The following SPIDR variants were observed in gnomAD, a reference collection of about 807,000 sequenced individuals.
SPIDR encodes scaffold protein involved in DNA repair, also known as DNA repair-scaffolding protein.
SPIDR carries 93 observed loss-of-function variants against 104.6 expected under a neutral mutation model. That is an observed-to-expected ratio of 0.89 (90% CI 0.75 to 1.06). The LOEUF is 1.06. Ranked by LOEUF, SPIDR falls within the 50% of genes least tolerant of loss-of-function variation. SPIDR has a pLI of 0.00. For synonymous variants in SPIDR, 431 were observed against 416.9 expected, an observed-to-expected ratio of 1.03 and a Z score of -0.41; for missense variants, 1,154 against 1,111.2, an observed-to-expected ratio of 1.04 and a Z score of -0.55.
At chr8:47,488,211 A>C (rs1423766416) in intron 8 of SPIDR, among the ~76,000 whole-genome samples, 3 of 152,226 alleles carry the variant, frequency 2.0e-5, no homozygotes, top group Non-Finnish European at 4.4e-5. Flanking sequence ...CCATCAGAGA[A>C]TACTATAAAC....
chr8:47,487,305 C>G (rs1554732191), intron 8 of SPIDR, among the ~76,000 whole-genome samples: 1 of 152,198 alleles, frequency 6.6e-6, no homozygotes, highest in Non-Finnish European at 1.5e-5. Flanking sequence ...GAAGAGCTAA[C>G]TAACCTAAAT....
intron 8 of SPIDR, among the ~76,000 whole-genome samples, chr8:47,455,477 G>A (rs1432456464): frequency 2.6e-5 from 4 of 151,646 alleles, no homozygotes; most frequent in Admixed American, 2.6e-4. Context: ...AAGTATGTAA[G>A]GCATAAGAAA....
intron 19 of SPIDR, 64 bp from the exon 20 acceptor site, chr8:47,735,243 G>GTGT: frequency 6.5e-7 from 1 of 1,528,726 alleles, no homozygotes; most frequent in Non-Finnish European, 9.0e-7. Flanking sequence ...CTGGTTTTCC[G>GTGT]TGTTGTTGGG....
intron 7 of SPIDR, among the ~76,000 whole-genome samples, chr8:47,408,665 A>G (rs1554669010): frequency 6.6e-6 from 1 of 152,198 alleles, no homozygotes; most frequent in African/African-American, 2.4e-5. Flanking sequence ...CTCCGTTTGC[A>G]GATAACATGA....
intron 8 of SPIDR, among the ~76,000 whole-genome samples, chr8:47,503,184 A>G (rs1044411397): frequency 1.5e-4 from 23 of 152,054 alleles, no homozygotes; most frequent in African/African-American, 5.3e-4. Context: ...TCAATTCCTG[A>G]ATATCCTTGT....
intron 16 of SPIDR, among the ~76,000 whole-genome samples, chr8:47,722,522 A>G (rs777452933): frequency 6.6e-6 from 1 of 152,222 alleles, no homozygotes; most frequent in Non-Finnish European, 1.5e-5. Flanking sequence ...TGCTGGAGAT[A>G]GTATCACTTT....
At chr8:47,523,856 C>G (rs995502456) in intron 8 of SPIDR, among the ~76,000 whole-genome samples, 1 of 152,182 alleles carries the variant, frequency 6.6e-6, no homozygotes, top group Non-Finnish European at 1.5e-5. Flanking sequence ...TACAATTTTA[C>G]TTTTTGAGAG....
At chr8:47,460,903 T>TATTTATGAAG (rs1554713076) in intron 8 of SPIDR, among the ~76,000 whole-genome samples, 2 of 152,220 alleles carry the variant, frequency 1.3e-5, no homozygotes, top group Non-Finnish European at 2.9e-5. Flanking sequence ...ACTGTATCTT[T>TATTTATGAAG]CCTTCATTTA....
rs774917802 is a variant in SPIDR, at chr8:47,729,472, GCAGGGGGCCCAGCC to G, written c.2604+17_2604+30del. 22 of 1,594,086 alleles carry G rather than the reference GCAGGGGGCCCAGCC, an allele frequency of 1.4e-5. No homozygotes were observed. Among genetic ancestry groups the G allele is most frequent in the South Asian group, 1.0e-4 (9 of 87,448 alleles). On this transcript the variant is annotated splice_region_variant and intron_variant, in intron 19 of 19. Coordinates refer to ENST00000297423, the MANE Select transcript of SPIDR (RefSeq NM_001080394.4). The stretch of plus-strand genomic sequence containing the variant: ...TGCCGCCGGTGAAGATGGGGTAAGT[GCAGGGGGCCCAGCC>G]CAGGGGGCCGCACACTCAGTAGCCT...
At chr8:47,671,597 TAA>T (rs2075808710) in intron 10 of SPIDR, among the ~76,000 whole-genome samples, 1 of 150,538 alleles carries the variant, frequency 6.6e-6, no homozygotes, top group African/African-American at 2.4e-5. Context: ...AATAAATAAA[TAA>T]ATAAATAAAT....
intron 10 of SPIDR, 144 bp from the exon 11 acceptor site, chr8:47,673,652 TCCCCC>T: frequency 9.7e-7 from 1 of 1,029,430 alleles, no homozygotes; most frequent in Non-Finnish European, 1.4e-6. Context: ...CTTTTTTTTT[TCCCCC>T]CTTGGTTTTT....
intron 1 of SPIDR, among the ~76,000 whole-genome samples, chr8:47,262,415 T>C (rs966331584): frequency 3.0e-4 from 45 of 152,216 alleles, no homozygotes; most frequent in African/African-American, 1.1e-3. Context: ...ATGTTTATTA[T>C]ATCATAGAGT....
At chr8:47,444,618 T>C (rs1323309353) in intron 8 of SPIDR, among the ~76,000 whole-genome samples, 1 of 152,258 alleles carries the variant, frequency 6.6e-6, no homozygotes, top group African/African-American at 2.4e-5. Flanking sequence ...TTAGCTGTTT[T>C]AAACACTGCT....
At chr8:47,315,172 A>T (rs2045079356) in intron 5 of SPIDR, among the ~76,000 whole-genome samples, 1 of 152,198 alleles carries the variant, frequency 6.6e-6, no homozygotes, top group Admixed American at 6.5e-5. Flanking sequence ...ACAAAAAATC[A>T]GTTAGAATAT....
At chr8:47,664,743 C>CAAAAA (rs771963348) in intron 10 of SPIDR, among the ~76,000 whole-genome samples, 16 of 63,318 alleles carry the variant, frequency 2.5e-4, no homozygotes, top group East Asian at 4.3e-4. Context: ...CCCATCTCTA[C>CAAAAA]AAAAAAAAAA....
chr8:47,646,175 C>T (rs368016959), intron 10 of SPIDR, among the ~76,000 whole-genome samples: 1 of 152,274 alleles, frequency 6.6e-6, no homozygotes, highest in African/African-American at 2.4e-5. Context: ...AAAAGATGCT[C>T]AATGTCTCAT....
At chr8:47,608,731 T>A (rs765837992) in intron 10 of SPIDR, among the ~76,000 whole-genome samples, 24 of 152,212 alleles carry the variant, frequency 1.6e-4, no homozygotes, top group Admixed American at 3.9e-4. Flanking sequence ...TTTTTTTTAT[T>A]TTTTATTTTT....
At chr8:47,709,556 G>A (rs1189206817) in intron 14 of SPIDR, among the ~76,000 whole-genome samples, 2 of 152,128 alleles carry the variant, frequency 1.3e-5, no homozygotes, top group Non-Finnish European at 2.9e-5. Context: ...GATTACAGGC[G>A]TGAGCCACCA....
intron 8 of SPIDR, among the ~76,000 whole-genome samples, chr8:47,554,945 G>A (rs1226120896): frequency 6.6e-6 from 1 of 152,184 alleles, no homozygotes; most frequent in African/African-American, 2.4e-5. Flanking sequence ...TGGCCTGTAA[G>A]TTTGATCATT....
Sources: gnomAD v4.1 joint callset for allele counts (sites outside exome capture counted in the v4.1 genomes callset) on GRCh38, gnomAD v4.1.1 for gene constraint, MANE v1.5 for transcripts, NCBI Gene and HGNC (gene_info 2026-07-23, HGNC 2026-07-21) for gene names.